Variants in SFMBT2 observed in about 807,000 individuals in gnomAD.
SFMBT2 encodes scm-like with four MBT domains protein 2.
Under a neutral mutation model 110.1 loss-of-function variants are expected in SFMBT2, and 38 were observed. That is an observed-to-expected ratio of 0.35 (90% CI 0.27 to 0.45). The LOEUF is 0.45. SFMBT2 is among the 20% of genes least tolerant of loss of function. The pLI is 1.00. For missense variants in SFMBT2, 1,011 were observed against 1,094.9 expected (o/e 0.92, Z 1.08); for synonymous variants, 425 against 425.4 (o/e 1.00, Z 0.01).
intron 11 of SFMBT2, among the ~76,000 whole-genome samples, chr10:7,215,148 C>A (rs1839491346): frequency 6.6e-6 from 1 of 152,160 alleles, no homozygotes; most frequent in South Asian, 2.1e-4. Flanking sequence ...CACCTGTAAT[C>A]CCGGCATTTT....
chr10:7,370,310 T>G lies in SFMBT2; in HGVS notation c.166A>C (p.Ser56Arg). ...WGEYLEETGA[S>R]AAPHTSFKHV... Reference sequence around the variant, plus strand: ...TTGAATGATGTGTGGGGAGCAGCACTTGCTCCTGTCTCTTCCAAATATTCT... The same window carrying G: ...TTGAATGATGTGTGGGGAGCAGCACGTGCTCCTGTCTCTTCCAAATATTCT... Residue 56 changes from serine (S) to arginine (R), a missense_variant, in exon 3 of 21, where the codon AGT becomes CGT. Transcript: ENST00000397167. 6.2e-7 allele frequency: 1 copy of G among 1,614,048 alleles called. No individual in the cohort carries two copies. The highest frequency in any genetic ancestry group is 8.5e-7 in the Non-Finnish European group (1 of 1,179,872).
intron 12 of SFMBT2, chr10:7,205,398 G>A (rs1284822570): frequency 2.0e-6 from 2 of 984,964 alleles, no homozygotes; most frequent in South Asian, 4.7e-5. Flanking sequence ...GCCTGGTTAA[G>A]TGTTTATAAG....
At chr10:7,298,018 G>A (rs1484165253) in intron 4 of SFMBT2, among the ~76,000 whole-genome samples, 3 of 152,192 alleles carry the variant, frequency 2.0e-5, no homozygotes, top group African/African-American at 7.2e-5. Flanking sequence ...ACCATCACTG[G>A]GGCTCGCAGG....
At chr10:7,237,995 G>C (rs577071856) in intron 9 of SFMBT2, among the ~76,000 whole-genome samples, 11 of 152,292 alleles carry the variant, frequency 7.2e-5, no homozygotes, top group African/African-American at 2.6e-4. Flanking sequence ...CAGACTGAGT[G>C]GGGAGTCGGG....
At chr10:7,269,692 G>GA (rs999966587) in intron 7 of SFMBT2, among the ~76,000 whole-genome samples, 16 of 150,160 alleles carry the variant, frequency 1.1e-4, no homozygotes, top group African/African-American at 3.4e-4. Flanking sequence ...TGATAACAGA[G>GA]AAAAAAAGCA....
chr10:7,271,623 A>T (rs1236702522), intron 7 of SFMBT2, among the ~76,000 whole-genome samples: 1 of 152,198 alleles, frequency 6.6e-6, no homozygotes, highest in Non-Finnish European at 1.5e-5. Context: ...AAAATGAAAG[A>T]TGAGTAGGAC....
At position 7,285,933 on chromosome 10, in the gene SFMBT2, T is replaced by C; in HGVS notation, c.458A>G (p.Asp153Gly). The change falls in exon 5 of 21, where the codon GAC (aspartate) becomes GGC (glycine). Residue 153 changes from aspartate to glycine, a missense_variant. Around this residue, in one of 2 missense-constraint regions of SFMBT2, gnomAD observed 979 missense variants for 1,016.1 expected, o/e 0.96. Coordinates refer to ENST00000397167, the MANE Select transcript of SFMBT2 (RefSeq NM_001387889.1). ...GTCACGTATGAGAAATTCTGTCCAG[T>C]CTGTGTACTTCTCTTTGATTGCTGG... is the stretch of plus-strand genomic sequence containing the variant. ...PPDAIKEKYT[D>G]WTEFLIRDLT... 1 of 871,456 alleles carries C rather than the reference T, an allele frequency of 1.1e-6. No homozygotes were observed. The allele number at this position is 871,456 out of a possible 1,614,324, so 54.0% of individuals were successfully genotyped here.
chr10:7,211,247 T>C (rs1385618576), intron 11 of SFMBT2, among the ~76,000 whole-genome samples: 1 of 152,058 alleles, frequency 6.6e-6, no homozygotes, highest in African/African-American at 2.4e-5. Flanking sequence ...CATACAGTTC[T>C]TGCAGAATTC....
At chr10:7,332,269 G>A (rs1316529163) in intron 4 of SFMBT2, among the ~76,000 whole-genome samples, 2 of 152,170 alleles carry the variant, frequency 1.3e-5, no homozygotes, top group Non-Finnish European at 2.9e-5. Flanking sequence ...AGGCTGAGAA[G>A]AGTGGCTAAG....
intron 1 of SFMBT2, among the ~76,000 whole-genome samples, chr10:7,406,950 G>A (rs1376109532): frequency 6.6e-6 from 1 of 151,940 alleles, no homozygotes; most frequent in East Asian, 1.9e-4. Context: ...GGTCCTGCAA[G>A]CAGTAAACTC....
At chr10:7,213,452 A>G (rs1427865895) in intron 11 of SFMBT2, among the ~76,000 whole-genome samples, 14 of 151,036 alleles carry the variant, frequency 9.3e-5, no homozygotes, top group Admixed American at 6.6e-4. Context: ...GACTGAAGTG[A>G]CTCATGGGTT....
intron 11 of SFMBT2, among the ~76,000 whole-genome samples, chr10:7,207,287 G>A (rs1212948467): frequency 6.6e-6 from 1 of 151,882 alleles, no homozygotes; most frequent in African/African-American, 2.4e-5. Context: ...TCACGTCTGG[G>A]AGGTCGAGGT....
At chr10:7,333,556 C>T (rs1382383771) in intron 4 of SFMBT2, among the ~76,000 whole-genome samples, 1 of 151,708 alleles carries the variant, frequency 6.6e-6, no homozygotes, top group African/African-American at 2.4e-5. Flanking sequence ...CCATGCCTAG[C>T]TAATTTTTTT....
chr10:7,273,932 T>C (rs1841684543), intron 7 of SFMBT2, among the ~76,000 whole-genome samples: 2 of 152,332 alleles, frequency 1.3e-5, no homozygotes, highest in South Asian at 4.1e-4. Flanking sequence ...TTACTGGATA[T>C]ATACCCAAAG....
intron 1 of SFMBT2, among the ~76,000 whole-genome samples, chr10:7,382,552 A>C (rs1226710276): frequency 6.6e-6 from 1 of 152,222 alleles, no homozygotes; most frequent in Non-Finnish European, 1.5e-5. Flanking sequence ...TCACGAACAG[A>C]AACTTGCATT....
chr10:7,284,519 A>T, intron 5 of SFMBT2: 1 of 632,310 alleles, frequency 1.6e-6, no homozygotes, highest in Non-Finnish European at 2.0e-6. Flanking sequence ...ACGTGGTAGC[A>T]AACGGTCTAC....
intron 4 of SFMBT2, among the ~76,000 whole-genome samples, chr10:7,308,384 A>C (rs1842755386): frequency 6.6e-6 from 1 of 152,030 alleles, no homozygotes; most frequent in African/African-American, 2.4e-5. Flanking sequence ...CAACAACAAA[A>C]ATTTAGCACC....
chr10:7,381,233 A>G (rs546796908), intron 2 of SFMBT2, among the ~76,000 whole-genome samples: 24 of 152,218 alleles, frequency 1.6e-4, no homozygotes, highest in African/African-American at 5.8e-4. Context: ...TCCACACTGT[A>G]TGCTTTTCTG....
chr10:7,319,642 AAGAGAGAGAC>A (rs1564438000), intron 4 of SFMBT2, among the ~76,000 whole-genome samples: 2 of 142,222 alleles, frequency 1.4e-5, no homozygotes, highest in African/African-American at 4.9e-5. Flanking sequence ...GGTGCTACCA[AAGAGAGAGAC>A]AGAGAGAGAG....
Sources: gnomAD v4.1 joint callset for allele counts (sites outside exome capture counted in the v4.1 genomes callset) on GRCh38, gnomAD v4.1.1 for gene constraint, gnomAD v4.1.1 regional missense constraint, MANE v1.5 for transcripts, NCBI Gene and HGNC (gene_info 2026-07-23, HGNC 2026-07-21) for gene names.